The following SLC24A1 variants were observed in gnomAD, a reference collection of about 807,000 sequenced individuals.
The protein encoded by SLC24A1 is solute carrier family 24 member 1.
In SLC24A1, 52 loss-of-function variants were observed where a neutral mutation model predicts 88.1. The ratio of observed to expected loss-of-function variants is 0.59; its 90% CI spans 0.47 to 0.74. The LOEUF (loss-of-function observed/expected upper bound fraction) is 0.74. Among genes scored for constraint, SLC24A1 ranks in the 30% least tolerant of loss-of-function variants. The pLI is 0.00. For missense variants in SLC24A1, 1,173 were observed against 1,363.3 expected, an observed-to-expected ratio of 0.86 and a Z score of 2.20; for synonymous variants, 455 against 498.0, an observed-to-expected ratio of 0.91 and a Z score of 1.15.
At chr15:65,631,279 C>T (rs1483100510) in intron 2 of SLC24A1, among the ~76,000 whole-genome samples, 1 of 152,210 alleles carries the variant, frequency 6.6e-6, no homozygotes. Flanking sequence ...TCTAGATGCT[C>T]TGCCACCTGA....
chr15:65,613,313 C>T (rs914260490), intron 2 of SLC24A1, among the ~76,000 whole-genome samples: 2 of 152,186 alleles, frequency 1.3e-5, no homozygotes, highest in Non-Finnish European at 2.9e-5. Flanking sequence ...AAAACCATGG[C>T]TCTCACAGGG....
In SLC24A1 at chr15:65,645,807, C is replaced by A. The variant is rs568589864; in HGVS notation, c.2232+104C>A. 8.8e-5 allele frequency: 65 copies of A among 735,130 alleles called. 1 individual carries two copies. The highest frequency in any genetic ancestry group is 1.4e-4 in the Non-Finnish European group (59 of 432,298). 45.5% of individuals were successfully genotyped at this position (735,130 alleles called of 1,614,324 possible). On this transcript the variant is annotated intron_variant, in intron 6 of 9. Coordinates refer to ENST00000261892, the MANE Select transcript of SLC24A1 (RefSeq NM_004727.3). ...AAGGTCTGAAATCCTATTTGAGGTT[C>A]ATTCCTCTGGGGGTAAATATTACCC...
At chr15:65,637,532 G>T (rs992354001) in intron 2 of SLC24A1, among the ~76,000 whole-genome samples, 4 of 152,198 alleles carry the variant, frequency 2.6e-5, no homozygotes, top group African/African-American at 4.8e-5. Context: ...TAGATTAAGT[G>T]TATTTAGAGG....
At position 65,624,360 on chromosome 15, in the gene SLC24A1, C is replaced by T; in HGVS notation, c.280C>T (p.Gln94Ter). The change falls in exon 2 of 10, where the codon CAA (glutamine) becomes TAA (stop). Residue 94 changes from glutamine (Q) to a stop codon, truncating the protein, a stop_gained. Transcript: ENST00000261892. LOFTEE classifies it high-confidence loss of function. ...AATGGGGGGTAAGATGCTGGTACCC[C>T]AAGCCTCAGTGGGCAGTGATGAAGC... ...SEMGGKMLVPQASVGSDEATL... is the reference protein window; with the variant it reads ...SEMGGKMLVP The T allele has an allele frequency of 1.9e-6, 3 of 1,613,648 alleles. No homozygotes were observed. The highest frequency in any genetic ancestry group is 1.1e-5 in the South Asian group (1 of 91,006).
chr15:65,626,827 C>T (rs1437262532), intron 2 of SLC24A1, among the ~76,000 whole-genome samples: 2 of 152,166 alleles, frequency 1.3e-5, no homozygotes, highest in Admixed American at 6.5e-5. Context: ...ACTACAGGCA[C>T]ATACCACCAC....
In SLC24A1 at chr15:65,625,925, C is replaced by T. The variant is rs1566949524; in HGVS notation, c.1845C>T (p.Ser615=). Reference sequence around the variant, plus strand: ...AGGTCTGGGTGAAGGAGCAGCTCAGCAGGAGGCCAGTGGCCAAGGTCATGG... The same window carrying T: ...AGGTCTGGGTGAAGGAGCAGCTCAGTAGGAGGCCAGTGGCCAAGGTCATGG... The part of the protein sequence containing the change: ...HIEVWVKEQL[S]RRPVAKVMAL... The change falls in exon 2 of 10, where the codon AGC becomes AGT. Residue 615 remains serine (S), a synonymous_variant. Coordinates refer to ENST00000261892, the MANE Select transcript of SLC24A1 (RefSeq NM_004727.3). 1 of 1,613,992 alleles carries T rather than the reference C, an allele frequency of 6.2e-7. No individual in the cohort carries two copies. Among genetic ancestry groups the T allele is most frequent in the South Asian group, 1.1e-5 (1 of 91,086 alleles).
At chr15:65,660,292 G>GA (rs2075812508), downstream of SLC24A1, 4 of 1,535,200 alleles carry the variant, frequency 2.6e-6, no homozygotes, top group African/African-American at 2.7e-5. Context: ...TGGAAGCTGT[G>GA]AAATGTTTCA....
At chr15:65,611,794 CA>C (rs1566938572) in intron 1 of SLC24A1, 2 of 152,366 alleles carry the variant, frequency 1.3e-5, no homozygotes, top group African/African-American at 4.8e-5. Context: ...TACTAAAATA[CA>C]AAAATTAGCC....
At chr15:65,636,970 G>A (rs985490475) in intron 2 of SLC24A1, among the ~76,000 whole-genome samples, 1 of 151,756 alleles carries the variant, frequency 6.6e-6, no homozygotes, top group African/African-American at 2.4e-5. Flanking sequence ...AGCACCTCCT[G>A]TTCTCAGTAA....
intron 6 of SLC24A1, among the ~76,000 whole-genome samples, chr15:65,648,962 T>C (rs2075403827): frequency 6.6e-6 from 1 of 152,146 alleles, no homozygotes; most frequent in South Asian, 2.1e-4. Flanking sequence ...TTTTAGGGTG[T>C]GTGGAGATAG....
intron 7 of SLC24A1, among the ~76,000 whole-genome samples, 182 bp downstream of exon 7, chr15:65,651,124 T>A (rs2141713947): frequency 6.6e-6 from 1 of 152,206 alleles, no homozygotes; most frequent in Admixed American, 6.5e-5. Context: ...TTAGGGGACA[T>A]ACCACTGGGA....
At position 65,624,769 on chromosome 15, in the gene SLC24A1, A is replaced by T. The variant is rs370009091; in HGVS notation, c.689A>T (p.Lys230Ile). Reference protein sequence around the residue: ...VKDSDITATYKILETNSLKRI... With the variant: ...VKDSDITATYIILETNSLKRI... ...GACAGTGACATTACAGCAACCTATA[A>T]AATACTCGAAACCAACTCTCTTAAG... Residue 230 changes from lysine (K) to isoleucine (I), a missense_variant, in exon 2 of 10, where the codon AAA (lysine) becomes ATA (isoleucine). By Grantham distance (102) the Lys-to-Ile change is moderately radical. Coordinates refer to ENST00000261892, the MANE Select transcript of SLC24A1 (RefSeq NM_004727.3). 4.6e-5 allele frequency: 75 copies of T among 1,613,758 alleles called. No individual in the cohort carries two copies. Among genetic ancestry groups the T allele is most frequent in the Non-Finnish European group, 6.2e-5 (73 of 1,179,832 alleles).
downstream of SLC24A1, chr15:65,656,341 A>G (rs1049573655): frequency 2.6e-6 from 2 of 764,318 alleles, no homozygotes; most frequent in Non-Finnish European, 3.2e-6. Flanking sequence ...AGTGTTACAG[A>G]AAAGGACAAG....
chr15:65,619,858 G>T (rs1173964592), upstream of SLC24A1, among the ~76,000 whole-genome samples: 1 of 152,010 alleles, frequency 6.6e-6, no homozygotes, highest in Non-Finnish European at 1.5e-5. Context: ...CTTCCATCCT[G>T]TTCCAGGGGA....
chr15:65,626,612 G>T (rs950119268), intron 2 of SLC24A1, among the ~76,000 whole-genome samples: 1 of 152,262 alleles, frequency 6.6e-6, no homozygotes, highest in East Asian at 1.9e-4. Flanking sequence ...CTCTGTGCCC[G>T]CTGGAGACCA....
Position 65,655,842 on chromosome 15 carries a change from CTG to C in SLC24A1, c.*1766_*1767del, listed in dbSNP as rs1411629473. On this transcript the variant is annotated 3_prime_UTR_variant, in exon 10 of 10. Coordinates refer to ENST00000261892, the MANE Select transcript of SLC24A1 (RefSeq NM_004727.3). ...ATAATTTTTATTAAATTTCAATAAA[CTG>C]TGAATCCCAATGGTATTTTACTTTA... The C allele has an allele frequency of 1.0e-6, 1 of 984,610 alleles. No homozygotes were observed. Among genetic ancestry groups the C allele is most frequent in the African/African-American group, 1.7e-5 (1 of 57,206 alleles). 61.0% of individuals were successfully genotyped at this position (984,610 alleles called of 1,614,324 possible).
Position 65,650,432 on chromosome 15 carries a change from C to A in SLC24A1, c.2283C>A (p.Gly761=). The A allele has an allele frequency of 6.4e-7, 1 of 1,551,378 alleles. No homozygotes were observed. The highest frequency in any genetic ancestry group is 1.2e-5 in the South Asian group (1 of 84,042). The part of the protein sequence containing the change: ...ESTGEMPGEE[G]ETAGEGETEE... ...CAGGTGAAATGCCAGGCGAAGAGGG[C>A]GAAACTGCTGGTGAAGGTGAAACTG... Residue 761 remains glycine (G), a synonymous_variant, in exon 7 of 10, where the codon GGC becomes GGA. Coordinates refer to ENST00000261892, the MANE Select transcript of SLC24A1 (RefSeq NM_004727.3). This position sits in a 1 kb window ranked among gnomAD's most constrained non-coding sequence, Gnocchi z 4.1.
intron 9 of SLC24A1, 62 bp from the exon 10 acceptor site, chr15:65,653,768 T>C: frequency 6.6e-7 from 1 of 1,523,512 alleles, no homozygotes; most frequent in Non-Finnish European, 9.0e-7. Context: ...TAAACTACTA[T>C]TTAAGTGTAT....
chr15:65,652,102 C>T, intron 8 of SLC24A1: 1 of 371,264 alleles, frequency 2.7e-6, no homozygotes, highest in Non-Finnish European at 5.2e-6. Context: ...CTTTTTTCGC[C>T]TGCTCTCTGG....
Sources: gnomAD v4.1 joint callset for allele counts (sites outside exome capture counted in the v4.1 genomes callset) on GRCh38, gnomAD v4.1.1 for gene constraint, Gnocchi (gnomAD v3.1) non-coding constraint, MANE v1.5 for transcripts, NCBI Gene and HGNC (gene_info 2026-07-23, HGNC 2026-07-21) for gene names.